The following DCAF8L2 variants were observed in gnomAD, a reference collection of about 807,000 sequenced individuals.
DCAF8L2 encodes DDB1 and CUL4 associated factor 8 like 2, also known as DDB1- and CUL4-associated factor 8-like protein 2.
For missense variants in DCAF8L2, 430 were observed against 490.7 expected (o/e 0.88, Z 1.17); for synonymous variants, 200 against 190.9 (o/e 1.05, Z -0.39).
chrX:27,560,370 A>G, the DCAF8L2 span, among the ~76,000 whole-genome samples: 7 of 111,447 alleles, frequency 6.3e-5, no homozygotes, highest in East Asian at 1.4e-3. Context: ...GTGTGAGTCT[A>G]TAATTCCACT....
intron 3 of DCAF8L2, among the ~76,000 whole-genome samples, chrX:27,696,314 GAAAGAAAGAAAGAAAGAA>G (rs1433870882): frequency 7.9e-5 from 6 of 76,388 alleles, no homozygotes; most frequent in African/African-American, 1.1e-4. Context: ...AAGAAAGAAA[GAAAGAAAGAAAGAAAGAA>G]AAAGAAAGAA....
chrX:27,502,336 ATATATATATATATATAT>A, the DCAF8L2 span, among the ~76,000 whole-genome samples: 29 of 10,903 alleles, frequency 2.7e-3, 2 homozygotes, highest in East Asian at 0.018. Context: ...AAAAAAAAAA[ATATATATATATATATAT>A]ATATATATAT....
At chrX:27,501,246 C>A in the DCAF8L2 span, among the ~76,000 whole-genome samples, 11 of 104,817 alleles carry the variant, frequency 1.0e-4, no homozygotes, top group African/African-American at 3.8e-4. Flanking sequence ...CCCCCTCCTC[C>A]TCCCCCTCTT....
chrX:27,667,627 T>C (rs902771640), intron 2 of DCAF8L2, among the ~76,000 whole-genome samples: 2 of 111,561 alleles, frequency 1.8e-5, no homozygotes, highest in African/African-American at 3.3e-5. Flanking sequence ...CTCAAATATG[T>C]TGTTAGTAAG....
chrX:27,577,756 G>T, the DCAF8L2 span, among the ~76,000 whole-genome samples: 1 of 110,790 alleles, frequency 9.0e-6, no homozygotes, highest in Non-Finnish European at 1.9e-5. Context: ...CATACCAACA[G>T]TATACAAGCC....
Position 27,598,974 on chromosome X carries a change from A to AATAT in DCAF8L2, c.-342+8549_-342+8552dup, listed in dbSNP as rs1555917080. ...GGAAAGTTTCTCAAAAAAAAAAAAA[A>AATAT]ATATATATATATATATATGATCCAG... On this transcript the variant is annotated intron_variant, in intron 1 of 4. Coordinates refer to ENST00000451261, the MANE Select transcript of DCAF8L2 (RefSeq NM_001353450.2). Among the ~76,000 whole-genome samples, 487 of 92,173 alleles carry AATAT rather than the reference A, an allele frequency of 5.3e-3. 4 individuals carry two copies. The highest frequency in any genetic ancestry group is 0.016 in the African/African-American group (385 of 23,616). 80.0% of individuals were successfully genotyped at this position (92,173 alleles called of 115,157 possible).
upstream of DCAF8L2, among the ~76,000 whole-genome samples, chrX:27,587,942 A>G (rs1925934427): frequency 2.1e-5 from 2 of 96,850 alleles, no homozygotes; most frequent in South Asian, 1.1e-3. Context: ...AACCCAAACT[A>G]TTCTATTACT....
At chrX:27,519,138 G>A in the DCAF8L2 span, 3 of 1,140,927 alleles carry the variant, frequency 2.6e-6, no homozygotes, top group Non-Finnish European at 3.6e-6. Context: ...ATGAAAAGAA[G>A]AAAAGAGAAA....
chrX:27,509,421 ATTG>A, the DCAF8L2 span, among the ~76,000 whole-genome samples: 2 of 112,262 alleles, frequency 1.8e-5, no homozygotes, highest in Non-Finnish European at 3.8e-5. Flanking sequence ...GAGCATAGCT[ATTG>A]TTGTAAATCT....
chrX:27,699,999 C>T (rs1238501494), intron 3 of DCAF8L2, among the ~76,000 whole-genome samples: 1 of 111,152 alleles, frequency 9.0e-6, no homozygotes, highest in Non-Finnish European at 1.9e-5. Context: ...TGCATCACTG[C>T]ACTCCAGCCT....
the DCAF8L2 span, among the ~76,000 whole-genome samples, chrX:27,481,315 T>C: frequency 3.6e-5 from 4 of 110,044 alleles, no homozygotes; most frequent in African/African-American, 1.3e-4. Context: ...GGGATGGAGG[T>C]TGCAGTGAGC....
At chrX:27,669,087 A>G (rs753004736) in intron 2 of DCAF8L2, among the ~76,000 whole-genome samples, 5 of 111,722 alleles carry the variant, frequency 4.5e-5, no homozygotes, top group East Asian at 2.8e-4. Flanking sequence ...AGAATAGTCT[A>G]TATTTCCCAA....
At chrX:27,694,462 A>T (rs931468210) in intron 3 of DCAF8L2, among the ~76,000 whole-genome samples, 2 of 111,174 alleles carry the variant, frequency 1.8e-5, no homozygotes, top group African/African-American at 6.5e-5. Flanking sequence ...TAACATTTCT[A>T]TCAAACTGAT....
chrX:27,486,830 T>C, the DCAF8L2 span, among the ~76,000 whole-genome samples: 1 of 111,819 alleles, frequency 8.9e-6, no homozygotes, highest in Non-Finnish European at 1.9e-5. Flanking sequence ...TCTATATATC[T>C]ATCCTAAGGT....
intron 2 of DCAF8L2, among the ~76,000 whole-genome samples, chrX:27,651,559 G>C (rs1929154108): frequency 1.0e-5 from 1 of 99,361 alleles, no homozygotes; most frequent in Admixed American, 1.1e-4. Flanking sequence ...GCCCAGGCTG[G>C]AGTGCAGTGG....
chrX:27,591,398 G>A (rs955011434), intron 1 of DCAF8L2, among the ~76,000 whole-genome samples: 27 of 110,484 alleles, frequency 2.4e-4, no homozygotes, highest in African/African-American at 8.9e-4. Flanking sequence ...ACCCCATTGA[G>A]GAGACTGGCT....
At chrX:27,733,434 C>T (rs1473104292) in intron 4 of DCAF8L2, among the ~76,000 whole-genome samples, 1 of 111,876 alleles carries the variant, frequency 8.9e-6, no homozygotes, top group Non-Finnish European at 1.9e-5. Context: ...TGGATATTAG[C>T]TTTTATCAAA....
intron 4 of DCAF8L2, among the ~76,000 whole-genome samples, chrX:27,737,487 C>T (rs1288761229): frequency 9.0e-6 from 1 of 111,343 alleles, no homozygotes; most frequent in African/African-American, 3.3e-5. Flanking sequence ...TACACAAGGG[C>T]CCAGAAGAAA....
intron 4 of DCAF8L2, among the ~76,000 whole-genome samples, chrX:27,746,530 C>T (rs1249332854): frequency 8.9e-6 from 1 of 111,813 alleles, no homozygotes; most frequent in East Asian, 2.8e-4. Flanking sequence ...CACTTTTGCT[C>T]ATGGTTCTCT....
Sources: allele counts gnomAD v4.1 joint callset (sites outside exome capture counted in the v4.1 genomes callset), GRCh38; gene constraint gnomAD v4.1.1; transcripts MANE v1.5; gene names NCBI Gene and HGNC (gene_info 2026-07-23, HGNC 2026-07-21).